The following PYHIN1 variants were observed in gnomAD, a reference collection of about 807,000 sequenced individuals.
The protein encoded by PYHIN1 is pyrin and HIN domain-containing protein 1.
A neutral mutation model predicts 43.7 loss-of-function variants in PYHIN1; 32 were observed. The ratio of observed to expected loss-of-function variants is 0.73; its 90% confidence interval spans 0.55 to 0.98. The LOEUF is 0.98. Among genes scored for constraint, PYHIN1 ranks in the 50% least tolerant of loss-of-function variants. The pLI, the probability that PYHIN1 is intolerant of heterozygous loss-of-function variation, is 0.00. For missense variants in PYHIN1, 588 were observed against 589.5 expected (o/e 1.00, Z 0.03); for synonymous variants, 205 against 203.1 (o/e 1.01, Z -0.08).
At chr1:158,973,417 G>C (rs1280306464) in intron 7 of PYHIN1, among the ~76,000 whole-genome samples, 2 of 151,608 alleles carry the variant, frequency 1.3e-5, no homozygotes, top group East Asian at 3.9e-4. Flanking sequence ...GCTAGTTTCT[G>C]TGTATGCTGA....
chr1:158,989,956 T>C, the PYHIN1 span, among the ~76,000 whole-genome samples: 1 of 152,216 alleles, frequency 6.6e-6, no homozygotes, highest in Non-Finnish European at 1.5e-5. Context: ...TCCTCTTTTA[T>C]CTACAGAACC....
chr1:158,936,930 A>T lies in PYHIN1; in HGVS notation c.20A>T (p.Lys7Ile). The change falls in exon 2 of 9, where the codon AAA (lysine) becomes ATA (isoleucine). Residue 7 changes from lysine to isoleucine, a missense_variant. Coordinates refer to ENST00000368140, the MANE Select transcript of PYHIN1 (RefSeq NM_152501.5). Reference protein sequence around the residue: MANNYKKIVLLKGLEVI... With the variant: MANNYKIIVLLKGLEVI... ...TTAGAGATGGCAAATAACTACAAGA[A>T]AATTGTTCTACTGAAAGGATTAGAG... 6.3e-7 allele frequency: 1 copy of T among 1,584,786 alleles called. No individual in the cohort carries two copies. Among genetic ancestry groups the T allele is most frequent in the Non-Finnish European group, 8.6e-7 (1 of 1,168,318 alleles).
the PYHIN1 span, among the ~76,000 whole-genome samples, chr1:158,986,795 C>T: frequency 2.0e-5 from 3 of 152,160 alleles, no homozygotes; most frequent in Non-Finnish European, 4.4e-5. Context: ...CTGTGCCAAA[C>T]CCTCTGTCTG....
chr1:158,935,440 G>C (rs1008117671), intron 1 of PYHIN1, among the ~76,000 whole-genome samples: 3 of 152,170 alleles, frequency 2.0e-5, no homozygotes, highest in African/African-American at 7.2e-5. Flanking sequence ...ATGTGGATCT[G>C]TGAAATGAAA....
rs1219555765 is a variant in PYHIN1, at chr1:158,957,220, C to T, written c.1359+12178C>T. 1.2e-4 allele frequency among the ~76,000 whole-genome samples: 18 copies of T among 144,850 alleles called. No homozygotes were observed. In the South Asian group the frequency reaches 4.1e-3, roughly 33 times the overall value. On this transcript the variant is annotated intron_variant, in intron 7 of 8. Coordinates refer to ENST00000368140, the MANE Select transcript of PYHIN1 (RefSeq NM_152501.5). ...ATTCAATGCCATCCCCATCAAGCTA[C>T]CAATGACTTTCTTCACAGAATTGGA...
At chr1:158,960,834 C>G (rs551821263) in intron 7 of PYHIN1, among the ~76,000 whole-genome samples, 2 of 152,288 alleles carry the variant, frequency 1.3e-5, no homozygotes, top group Admixed American at 6.5e-5. Context: ...TATATATTTT[C>G]TCATCTAAAT....
Position 158,973,504 on chromosome 1 carries a change from T to TTC in PYHIN1, c.1360-142_1360-141dup, listed in dbSNP as rs1471790232. ...AGGGAAGATTCTATAAAAAGGGATT[T>TTC]TCACACACACACACACACACACACA... On this transcript the variant is annotated intron_variant, in intron 7 of 8. Transcript: ENST00000368140. The TTC allele has an allele frequency of 1.8e-5, 9 of 507,866 alleles. No homozygotes were observed. The African/African-American group carries it at 3.0e-4, about 17-fold the overall frequency. The allele number at this position is 507,866 out of a possible 1,614,324, so 31.5% of individuals were successfully genotyped here.
At chr1:158,954,611 T>G (rs1279728191) in intron 7 of PYHIN1, among the ~76,000 whole-genome samples, 1 of 150,140 alleles carries the variant, frequency 6.7e-6, no homozygotes, top group Admixed American at 6.6e-5. Context: ...GTGCTAAACA[T>G]GGAAAGTAAC....
chr1:158,956,025 C>G (rs1170968189), intron 7 of PYHIN1, among the ~76,000 whole-genome samples: 1 of 146,064 alleles, frequency 6.8e-6, no homozygotes, highest in Non-Finnish European at 1.5e-5. Context: ...AATTCCTCAA[C>G]ACATACACTC....
At chr1:158,936,474 AAC>A (rs1416204471) in intron 1 of PYHIN1, among the ~76,000 whole-genome samples, 1 of 152,092 alleles carries the variant, frequency 6.6e-6, no homozygotes, top group African/African-American at 2.4e-5. Flanking sequence ...CAAATCCAGC[AAC>A]ACATCAAAAA....
At chr1:158,957,990 A>C (rs1302138861) in intron 7 of PYHIN1, among the ~76,000 whole-genome samples, 2 of 152,184 alleles carry the variant, frequency 1.3e-5, no homozygotes, top group African/African-American at 4.8e-5. Context: ...ATGCAGCCAA[A>C]AAACACATGA....
downstream of PYHIN1, among the ~76,000 whole-genome samples, chr1:158,981,404 G>A (rs1651478602): frequency 6.6e-6 from 1 of 152,210 alleles, no homozygotes; most frequent in African/African-American, 2.4e-5. Context: ...CTGGGAGGCA[G>A]TGGTTGCAGT....
chr1:158,955,098 A>G (rs1295559644), intron 7 of PYHIN1, among the ~76,000 whole-genome samples: 1 of 151,722 alleles, frequency 6.6e-6, no homozygotes, highest in African/African-American at 2.4e-5. Flanking sequence ...CCAGATTCGT[A>G]AAGGAAGTCC....
rs1486289284 is a variant in PYHIN1 at position 158,942,126 on chromosome 1, G to A, written c.729G>A (p.Val243=). ...NEQRRMFHAT[V]ATQTQFFHVK... ...AAAGAAGAATGTTTCATGCTACAGT[G>A]GCTACGCAGACACAGTTCTTTCATG... is the stretch of plus-strand genomic sequence containing the variant. The change falls in exon 5 of 9, where the codon GTG becomes GTA. Residue 243 remains valine (V), a synonymous_variant. Coordinates refer to ENST00000368140, the MANE Select transcript of PYHIN1 (RefSeq NM_152501.5). 1 of 1,614,042 alleles carries A rather than the reference G, an allele frequency of 6.2e-7. No homozygotes were observed. The highest frequency in any genetic ancestry group is 2.2e-5 in the East Asian group (1 of 44,874).
At chr1:158,979,391 C>T (rs774422694), downstream of PYHIN1, among the ~76,000 whole-genome samples, 1 of 152,150 alleles carries the variant, frequency 6.6e-6, no homozygotes, top group Admixed American at 6.5e-5. Flanking sequence ...TAAGTGGACT[C>T]ATGCAGTATT....
intron 4 of PYHIN1, chr1:158,939,708 T>C (rs1648796477): frequency 3.3e-6 from 2 of 610,414 alleles, no homozygotes; most frequent in Non-Finnish European, 5.9e-6. Context: ...CAGGGAATCC[T>C]CACTTAGACC....
Position 158,933,203 on chromosome 1 carries a change from T to C in PYHIN1, c.-21+1427T>C, listed in dbSNP as rs1210379770. Among the ~76,000 whole-genome samples, 1 of 151,742 alleles carries C rather than the reference T, an allele frequency of 6.6e-6. No individual in the cohort carries two copies. The highest frequency in any genetic ancestry group is 1.5e-5 in the Non-Finnish European group (1 of 67,862). On this transcript the variant is annotated intron_variant, in intron 1 of 8. Coordinates refer to ENST00000368140, the MANE Select transcript of PYHIN1 (RefSeq NM_152501.5). This position sits in a 1 kb window ranked among gnomAD's most constrained non-coding sequence, Gnocchi z 6.3. ...TATTATGTGTGTATGTGATCATGCA[T>C]ACATGTTTCCAAACATAAACATACA...
the PYHIN1 span, among the ~76,000 whole-genome samples, chr1:158,982,365 C>T: frequency 6.6e-6 from 1 of 152,178 alleles, no homozygotes; most frequent in African/African-American, 2.4e-5. Context: ...ATATAACCAG[C>T]CAGTTATCCT....
intron 4 of PYHIN1, 150 bp from the exon 5 acceptor site, chr1:158,941,827 G>A (rs552562198): frequency 3.1e-6 from 2 of 637,702 alleles, no homozygotes; most frequent in East Asian, 5.7e-5. Context: ...GACTACTTCA[G>A]AATATCCTCT....
Sources: allele counts gnomAD v4.1 joint callset (sites outside exome capture counted in the v4.1 genomes callset), GRCh38; gene constraint gnomAD v4.1.1; non-coding constraint Gnocchi (gnomAD v3.1); transcripts MANE v1.5; gene names NCBI Gene and HGNC (gene_info 2026-07-23, HGNC 2026-07-21).